Variants in ZNF112 observed in about 807,000 individuals in gnomAD.
ZNF112 encodes zinc finger protein 112, also known as zinc finger protein 112 (Y14).
In ZNF112, 37 loss-of-function variants were observed where a neutral mutation model predicts 77.7. That is an observed-to-expected ratio of 0.48 (90% CI 0.37 to 0.63). The LOEUF (loss-of-function observed/expected upper bound fraction) is 0.63. Among genes scored for constraint, ZNF112 ranks in the 20% least tolerant of loss-of-function variants. The probability of loss-of-function intolerance (pLI) is 0.00; values close to 1 mark genes in which losing one functional copy is unlikely to be tolerated. For missense variants in ZNF112, 950 were observed against 1,077.4 expected (o/e 0.88, Z 1.66); for synonymous variants, 333 against 363.6 (o/e 0.92, Z 0.96).
exon 1 of ZNF112, chr19:44,367,214 T>G (rs16978991): frequency 2.2e-6 from 1 of 449,672 alleles, no homozygotes; most frequent in Non-Finnish European, 4.5e-6. Flanking sequence ...ATGACCTCAC[T>G]TTCATGGAGC....
intron 1 of ZNF112, among the ~76,000 whole-genome samples, chr19:44,347,485 A>ACTTTTTTTTTTTTTTTT (rs1555804139): frequency 2.5e-5 from 1 of 40,322 alleles, no homozygotes; most frequent in African/African-American, 7.2e-5. Flanking sequence ...TTTTGGGTTG[A>ACTTTTTTTTTTTTTTTT]TTTTTTTTTT....
intron 1 of ZNF112, chr19:44,341,238 C>T: frequency 2.2e-6 from 1 of 455,346 alleles, no homozygotes; most frequent in Non-Finnish European, 4.4e-6. Context: ...TATCCCATTT[C>T]TGGGCTGCAA....
chr19:44,354,312 G>A (rs1970746500), intron 1 of ZNF112, among the ~76,000 whole-genome samples: 3 of 152,052 alleles, frequency 2.0e-5, no homozygotes, highest in Admixed American at 2.0e-4. Context: ...CTATGCCTGT[G>A]TTGTAATAGA....
intron 3 of ZNF112, among the ~76,000 whole-genome samples, chr19:44,335,300 G>A (rs948755139): frequency 3.3e-5 from 5 of 152,204 alleles, no homozygotes; most frequent in African/African-American, 1.2e-4. Flanking sequence ...TAGCCCCATT[G>A]TATCTTGGAA....
At chr19:44,348,748 T>C (rs1331436535) in intron 1 of ZNF112, among the ~76,000 whole-genome samples, 1 of 152,062 alleles carries the variant, frequency 6.6e-6, no homozygotes, top group Non-Finnish European at 1.5e-5. Context: ...AATCAAGACT[T>C]AAATGCAACA....
At chr19:44,360,194 T>C (rs1220301746), upstream of ZNF112, among the ~76,000 whole-genome samples, 1 of 149,228 alleles carries the variant, frequency 6.7e-6, no homozygotes, top group Non-Finnish European at 1.5e-5. Flanking sequence ...AGATGGAGAT[T>C]GCAGTGAGCT....
At position 44,338,635 on chromosome 19, in the gene ZNF112, G is replaced by A. The variant is rs145521871; in HGVS notation, c.124+1781C>T. On this transcript the variant is annotated intron_variant, in intron 2 of 3. Transcript: ENST00000354340. ...TAAAAATAAGGGAAGAGGTGATAGC[G>A]TTCTTCAAAAATGTTACTGTCATAA... Among the ~76,000 whole-genome samples the A allele has an allele frequency of 5.1e-3, 771 of 152,268 alleles. 5 individuals are homozygous for A. Among genetic ancestry groups the A allele is most frequent in the African/African-American group, 0.018 (737 of 41,544 alleles).
chr19:44,362,693 AT>A (rs1209074217), intron 1 of ZNF112, among the ~76,000 whole-genome samples: 1 of 152,154 alleles, frequency 6.6e-6, no homozygotes, highest in Non-Finnish European at 1.5e-5. Flanking sequence ...TGAAAATATC[AT>A]TTATTTGAAT....
chr19:44,341,831 A>G (rs915820765), intron 1 of ZNF112, among the ~76,000 whole-genome samples: 1 of 152,208 alleles, frequency 6.6e-6, no homozygotes, highest in Non-Finnish European at 1.5e-5. Flanking sequence ...GTTCAGTCCC[A>G]TATTTCTTCT....
chr19:44,327,702 T>A lies in ZNF112; in HGVS notation c.2455A>T (p.Arg819Ter). Residue 819 changes from arginine to a stop codon, truncating the protein, a stop_gained, in exon 4 of 4, where the codon AGA (arginine) becomes TGA (stop). Transcript: ENST00000354340. LOFTEE classifies it high-confidence loss of function. ...TATGGTTTCTCTCCTGTGTGGACTC[T>A]GTGATGGGCTTGAAGACTTGAATAC... ...SGYSSLQAHH[R>*]VHTGEKPYKC... 1 of 1,613,962 alleles carries A rather than the reference T, an allele frequency of 6.2e-7. No homozygotes were observed.
chr19:44,358,284 A>ATTT (rs113581852), upstream of ZNF112, among the ~76,000 whole-genome samples: 3 of 151,830 alleles, frequency 2.0e-5, no homozygotes, highest in Admixed American at 6.6e-5. Context: ...ATAATAGGGG[A>ATTT]TTTTTTTTTA....
At chr19:44,346,237 C>A (rs1408493855) in intron 1 of ZNF112, among the ~76,000 whole-genome samples, 1 of 152,210 alleles carries the variant, frequency 6.6e-6, no homozygotes, top group East Asian at 1.9e-4. Context: ...CACTTACTGG[C>A]AGCATAAACT....
chr19:44,346,655 G>T (rs191725677), intron 1 of ZNF112, among the ~76,000 whole-genome samples: 128 of 152,226 alleles, frequency 8.4e-4, no homozygotes, highest in Non-Finnish European at 1.3e-3. Context: ...TCACTGAGTT[G>T]AAGGTCCCCA....
At chr19:44,357,779 A>G (rs1007734197), upstream of ZNF112, among the ~76,000 whole-genome samples, 5 of 152,212 alleles carry the variant, frequency 3.3e-5, no homozygotes, top group African/African-American at 1.2e-4. Flanking sequence ...AGAAAAATCT[A>G]TCACCTATTT....
rs1217620019 is a variant in ZNF112, at chr19:44,327,737, C to G, written c.2420G>C (p.Gly807Ala). Residue 807 changes from glycine (G) to alanine (A), a missense_variant, in exon 4 of 4, where the codon GGT (glycine) becomes GCT (alanine). By Grantham distance (60) the Gly-to-Ala change is moderately conservative. Coordinates refer to ENST00000354340, the MANE Select transcript of ZNF112 (RefSeq NM_013380.4). ...RPYKCEQCGK[G>A]FSGYSSLQAH... ...TTGAAGACTTGAATACCCACTGAAA[C>G]CCTTACCACACTGTTCACATTTATA... 6.2e-7 allele frequency: 1 copy of G among 1,613,626 alleles called. No homozygotes were observed. The highest frequency in any genetic ancestry group is 8.5e-7 in the Non-Finnish European group (1 of 1,179,938).
At position 44,329,149 on chromosome 19, in the gene ZNF112, G is replaced by A. The variant is rs1190900180; in HGVS notation, c.1008C>T (p.His336=). 1 of 1,613,892 alleles carries A rather than the reference G, an allele frequency of 6.2e-7. No homozygotes were observed. The highest frequency in any genetic ancestry group is 1.7e-5 in the Admixed American group (1 of 59,990). ...GTTCATAAGTGTTAAGAGGGGAACA[G>A]TGATTGAAGTTCTCACCATATTCAC... is the stretch of plus-strand genomic sequence containing the variant. ...KCGEYGENFN[H]CSPLNTYELI... Residue 336 remains histidine, a synonymous_variant, in exon 4 of 4, where the codon CAC becomes CAT. Coordinates refer to ENST00000354340, the MANE Select transcript of ZNF112 (RefSeq NM_013380.4).
chr19:44,344,005 C>T (rs1426273048), intron 1 of ZNF112, among the ~76,000 whole-genome samples: 1 of 152,154 alleles, frequency 6.6e-6, no homozygotes, highest in South Asian at 2.1e-4. Flanking sequence ...ACATCGAGAC[C>T]ACCCTTATGA....
At chr19:44,356,383 G>A (rs1421487810) in intron 1 of ZNF112, among the ~76,000 whole-genome samples, 2 of 152,156 alleles carry the variant, frequency 1.3e-5, no homozygotes, top group Non-Finnish European at 1.5e-5. Context: ...AAAGGGCTGG[G>A]GAAGTACAGA....
chr19:44,334,519 G>C (rs1440175906), intron 3 of ZNF112, among the ~76,000 whole-genome samples: 1 of 152,224 alleles, frequency 6.6e-6, no homozygotes, highest in Non-Finnish European at 1.5e-5. Flanking sequence ...ATGCCTCCAG[G>C]GCATTTCAGA....
Sources: gnomAD v4.1 joint callset for allele counts (sites outside exome capture counted in the v4.1 genomes callset) on GRCh38, gnomAD v4.1.1 for gene constraint, MANE v1.5 for transcripts, NCBI Gene and HGNC (gene_info 2026-07-23, HGNC 2026-07-21) for gene names.